TEAD4: variants seen among roughly 807,000 people sequenced by gnomAD.
TEAD4 encodes transcriptional enhancer factor TEF-3.
Under a neutral mutation model 52.4 loss-of-function variants are expected in TEAD4, and 36 were observed. The ratio of observed to expected loss-of-function variants is 0.69; its 90% confidence interval spans 0.53 to 0.91. TEAD4 has a LOEUF of 0.91. Among genes scored for constraint, TEAD4 ranks in the 40% least tolerant of loss-of-function variants. The pLI, the probability that TEAD4 is intolerant of heterozygous loss-of-function variation, is 0.00. For missense variants in TEAD4, 508 were observed against 583.9 expected, an observed-to-expected ratio of 0.87 and a Z score of 1.34; for synonymous variants, 220 against 231.0, an observed-to-expected ratio of 0.95 and a Z score of 0.43.
chr12:3,017,558 C>G, intron 6 of TEAD4, 32 bp downstream of exon 6: 10 of 1,593,120 alleles, frequency 6.3e-6, no homozygotes, highest in Non-Finnish European at 8.5e-6. Context: ...GGAGGCCAGG[C>G]CAGCCCTCTC....
intron 2 of TEAD4, among the ~76,000 whole-genome samples, chr12:2,974,785 CT>C: frequency 6.6e-6 from 1 of 152,022 alleles, no homozygotes; most frequent in Non-Finnish European, 1.5e-5. Flanking sequence ...TGGGCTGACC[CT>C]CGGGTTCTGA....
intron 2 of TEAD4, among the ~76,000 whole-genome samples, chr12:2,963,708 T>C (rs1485318864): frequency 6.6e-6 from 1 of 152,252 alleles, no homozygotes; most frequent in Non-Finnish European, 1.5e-5. Flanking sequence ...ACCTGTGTGA[T>C]CTGGCCCTGG....
chr12:3,016,883 A>G (rs553974097), intron 5 of TEAD4, among the ~76,000 whole-genome samples: 1 of 152,302 alleles, frequency 6.6e-6, no homozygotes, highest in East Asian at 1.9e-4. Flanking sequence ...ACTCTGACAC[A>G]TGAAAGATGG....
intron 10 of TEAD4, among the ~76,000 whole-genome samples, chr12:3,037,363 C>G (rs1038266264): frequency 6.6e-6 from 1 of 152,124 alleles, no homozygotes; most frequent in Admixed American, 6.6e-5. Flanking sequence ...GTCAAAAGAT[C>G]CAAGGTGACG....
At chr12:3,033,536 G>C (rs572787167) in intron 10 of TEAD4, among the ~76,000 whole-genome samples, 1 of 152,296 alleles carries the variant, frequency 6.6e-6, no homozygotes, top group South Asian at 2.1e-4. Context: ...GAGTACCCCA[G>C]GCCTTCCTCC....
chr12:2,997,981 T>C (rs114436641), intron 3 of TEAD4, among the ~76,000 whole-genome samples: 244 of 152,272 alleles, frequency 1.6e-3, no homozygotes, highest in African/African-American at 5.6e-3. Flanking sequence ...TTTTAAACAA[T>C]AATTCCCCAT....
At chr12:2,980,256 C>T (rs890451103) in intron 2 of TEAD4, among the ~76,000 whole-genome samples, 2 of 152,042 alleles carry the variant, frequency 1.3e-5, no homozygotes, top group Non-Finnish European at 2.9e-5. Flanking sequence ...CACTGGAGGC[C>T]GTAGGAACAG....
rs1273579789 is a variant in TEAD4, at chr12:2,960,146, G to T, written c.-30+106G>T. On this transcript the variant is annotated intron_variant, in intron 2 of 12. Coordinates refer to ENST00000359864, the MANE Select transcript of TEAD4 (RefSeq NM_003213.4). ...GACGAGACTGGGAAGAGCGAGGCAC[G>T]TGGAGGCGGCGCGACTGAGGCTGCT... The T allele has an allele frequency of 1.4e-5, 3 of 208,352 alleles. No individual in the cohort carries two copies. In the East Asian group the frequency reaches 5.5e-4, roughly 38 times the overall value. 12.9% of individuals were successfully genotyped at this position (208,352 alleles called of 1,614,324 possible).
At chr12:3,034,722 C>T (rs928041806) in intron 10 of TEAD4, among the ~76,000 whole-genome samples, 2 of 152,182 alleles carry the variant, frequency 1.3e-5, no homozygotes, top group Admixed American at 6.5e-5. Context: ...CACTTGAGCC[C>T]AGGAGTTCGA....
At chr12:2,965,053 C>T (rs772228227) in intron 2 of TEAD4, among the ~76,000 whole-genome samples, 1 of 152,106 alleles carries the variant, frequency 6.6e-6, no homozygotes, top group Non-Finnish European at 1.5e-5. Flanking sequence ...GTAGGAGAGA[C>T]AACACATGCT....
intron 11 of TEAD4, among the ~76,000 whole-genome samples, chr12:3,039,893 G>A (rs1591604901): frequency 6.6e-6 from 1 of 152,158 alleles, no homozygotes; most frequent in Non-Finnish European, 1.5e-5. Context: ...CACCATGTTG[G>A]CCAGGCTGGT....
chr12:2,995,900 G>C (rs2098246744), intron 3 of TEAD4, among the ~76,000 whole-genome samples: 1 of 152,068 alleles, frequency 6.6e-6, no homozygotes, highest in African/African-American at 2.4e-5. Context: ...CCCAGCTACT[G>C]GGGAGGCTGA....
intron 9 of TEAD4, among the ~76,000 whole-genome samples, 174 bp from the exon 10 acceptor site, chr12:3,021,670 G>T (rs2098268794): frequency 6.6e-6 from 1 of 152,176 alleles, no homozygotes; most frequent in Non-Finnish European, 1.5e-5. Flanking sequence ...AGAAGTCCAG[G>T]ATGTAAAACA....
chr12:3,011,052 C>T lies in TEAD4; in HGVS notation c.275C>T (p.Thr92Ile), dbSNP rs1222867658. The T allele has an allele frequency of 2.5e-6, 4 of 1,614,030 alleles. No individual in the cohort carries two copies. The African/African-American group carries it at 5.3e-5, about 22-fold the overall frequency. Residue 92 changes from threonine to isoleucine, a missense_variant, in exon 4 of 13, where the codon ACC becomes ATC. By Grantham distance (89) the Thr-to-Ile change is moderately conservative. Coordinates refer to ENST00000359864, the MANE Select transcript of TEAD4 (RefSeq NM_003213.4). ...TACATCAAGCTCCGGACAGGGAAGA[C>T]CCGCACCAGGAAGCAGGTGGGCCTC...
At chr12:2,997,278 A>T (rs1274864586) in intron 3 of TEAD4, among the ~76,000 whole-genome samples, 1 of 152,148 alleles carries the variant, frequency 6.6e-6, no homozygotes, top group African/African-American at 2.4e-5. Flanking sequence ...CCCCTGAAAT[A>T]TTTACTGGCC....
intron 2 of TEAD4, chr12:2,960,489 C>A (rs2098214401): frequency 8.8e-6 from 4 of 456,016 alleles, no homozygotes; most frequent in South Asian, 1.9e-4. Context: ...GGGAGCAGAA[C>A]TTTCAAACCC....
intron 2 of TEAD4, among the ~76,000 whole-genome samples, chr12:2,971,708 C>T (rs2098225210): frequency 6.6e-6 from 1 of 151,946 alleles, no homozygotes; most frequent in East Asian, 1.9e-4. Context: ...ATCTCCTGAC[C>T]TCATGATCTG....
Position 2,989,495 on chromosome 12 carries a change from A to G in TEAD4, c.-29-5243A>G, listed in dbSNP as rs193245658. Among the ~76,000 whole-genome samples, 477 of 152,090 alleles carry G rather than the reference A, an allele frequency of 3.1e-3. 4 individuals carry two copies. The highest frequency in any genetic ancestry group is 0.011 in the African/African-American group (452 of 41,506). ...CTTCTGTCGCCCAGGCTGGAGTGCA[A>G]TGGTGCAATATGGGCTCACCGCAAC... On this transcript the variant is annotated intron_variant, in intron 2 of 12. Transcript: ENST00000359864.
chr12:2,991,710 A>G (rs2153955107), intron 2 of TEAD4, among the ~76,000 whole-genome samples: 1 of 146,268 alleles, frequency 6.8e-6, no homozygotes, highest in Admixed American at 6.8e-5. Flanking sequence ...AAATGTTTTC[A>G]TGTTCAGGAT....
Sources: allele counts gnomAD v4.1 joint callset (sites outside exome capture counted in the v4.1 genomes callset), GRCh38; gene constraint gnomAD v4.1.1; transcripts MANE v1.5; gene names NCBI Gene and HGNC (gene_info 2026-07-23, HGNC 2026-07-21).